Variants in CCDC88C observed in about 807,000 individuals in gnomAD.
CCDC88C encodes the protein coiled-coil and HOOK domain protein 88C.
In CCDC88C, 131 loss-of-function variants were observed where a neutral mutation model predicts 198.8. The observed-to-expected ratio is 0.66, with a 90% CI of 0.57 to 0.76. CCDC88C has a LOEUF of 0.76. Ranked by LOEUF, CCDC88C falls within the 30% of genes least tolerant of loss-of-function variation. The probability of loss-of-function intolerance (pLI) is 0.00; values close to 1 mark genes in which losing one functional copy is unlikely to be tolerated. For synonymous variants in CCDC88C, 1,166 were observed against 1,114.7 expected, an observed-to-expected ratio of 1.05 and a Z score of -0.92; for missense variants, 2,553 against 2,631.6, an observed-to-expected ratio of 0.97 and a Z score of 0.65.
chr14:91,328,925 G>A (rs550544633), intron 10 of CCDC88C, among the ~76,000 whole-genome samples: 3 of 152,158 alleles, frequency 2.0e-5, no homozygotes, highest in African/African-American at 7.2e-5. Flanking sequence ...GAGGGGGTGC[G>A]GAATCAAACA....
intron 20 of CCDC88C, 102 bp downstream of exon 20, chr14:91,303,599 T>G: frequency 1.1e-6 from 1 of 935,702 alleles, no homozygotes; most frequent in Non-Finnish European, 1.4e-6. Context: ...GCCTCTCCCC[T>G]AGGTCCCACC....
chr14:91,333,147 CTT>C (rs1892905004), intron 10 of CCDC88C, among the ~76,000 whole-genome samples: 1 of 152,244 alleles, frequency 6.6e-6, no homozygotes, highest in Admixed American at 6.5e-5. Flanking sequence ...ATGTGCATCT[CTT>C]TTGGCTGTAC....
At chr14:91,332,014 G>A (rs963684852) in intron 10 of CCDC88C, among the ~76,000 whole-genome samples, 3 of 152,078 alleles carry the variant, frequency 2.0e-5, no homozygotes, top group Non-Finnish European at 4.4e-5. Context: ...TGCCCAGCTA[G>A]GTCTCTGCCC....
At chr14:91,417,464 T>C in intron 1 of CCDC88C, 167 bp downstream of exon 1, 1 of 586,960 alleles carries the variant, frequency 1.7e-6, no homozygotes. Context: ...GTTACAAAGC[T>C]CCGGACTCCA....
intron 4 of CCDC88C, among the ~76,000 whole-genome samples, chr14:91,349,508 C>T (rs552778750): frequency 2.0e-5 from 3 of 152,162 alleles, no homozygotes; most frequent in Non-Finnish European, 4.4e-5. Flanking sequence ...TGAATTTCTA[C>T]ACCAAAAAAG....
rs778375199 is a variant in CCDC88C, at chr14:91,313,598, G to C, written c.2218C>G (p.Leu740Val). ...NQQLEREKEE[L>V]RKNVDLLKAL... ...TTGAGCAGATCCACGTTCTTCCTCA[G>C]CTCCTCCTTCTCACGCTCCAGCTGC... Residue 740 changes from leucine (L) to valine (V), a missense_variant, in exon 15 of 30, where the codon CTG becomes GTG. By Grantham distance (32) the Leu-to-Val change is conservative. This residue lies in a region of CCDC88C where 1,260 missense variants were observed against 1,412.0 expected (regional missense o/e 0.89). Coordinates refer to ENST00000389857, the MANE Select transcript of CCDC88C (RefSeq NM_001080414.4). The surrounding 1 kb of genome is among the most constrained non-coding windows in gnomAD (Gnocchi z 5.2). The C allele has an allele frequency of 6.2e-7, 1 of 1,612,594 alleles. No homozygotes were observed. Among genetic ancestry groups the C allele is most frequent in the Non-Finnish European group, 8.5e-7 (1 of 1,179,898 alleles).
At chr14:91,299,831 G>T in intron 21 of CCDC88C, 96 bp downstream of exon 21, 1 of 1,391,292 alleles carries the variant, frequency 7.2e-7, no homozygotes, top group Non-Finnish European at 9.4e-7. Flanking sequence ...ATCCACGATC[G>T]CCAGGGGACT....
intron 2 of CCDC88C, among the ~76,000 whole-genome samples, chr14:91,415,307 T>G (rs953119155): frequency 6.6e-6 from 1 of 151,958 alleles, no homozygotes; most frequent in Non-Finnish European, 1.5e-5. Flanking sequence ...TGTTTTTCAA[T>G]CTAATCAGAC....
intron 21 of CCDC88C, among the ~76,000 whole-genome samples, chr14:91,298,838 G>A (rs1225264960): frequency 6.6e-6 from 1 of 152,204 alleles, no homozygotes; most frequent in African/African-American, 2.4e-5. Context: ...GGAGGAGGAA[G>A]AATTTCGTAT....
rs747623630 is a variant in CCDC88C at position 91,371,033 on chromosome 14, C to G, written c.271-11322G>C. Among the ~76,000 whole-genome samples the G allele has an allele frequency of 1.6e-4, 24 of 152,224 alleles. No homozygotes were observed. Among genetic ancestry groups the G allele is most frequent in the Non-Finnish European group, 2.9e-4 (20 of 68,008 alleles). On this transcript the variant is annotated intron_variant, in intron 3 of 29. Transcript: ENST00000389857. This position sits in a 1 kb window ranked among gnomAD's most constrained non-coding sequence, Gnocchi z 4.2. ...TGTTTGGGGTGAGGCAGAAGGACTT[C>G]AAGGATTAGGCTAAGGATGGAGAGA...
intron 3 of CCDC88C, chr14:91,379,552 T>A: frequency 2.0e-6 from 1 of 512,408 alleles, no homozygotes; most frequent in African/African-American, 1.9e-5. Context: ...TCTCACTCCA[T>A]GTTTACTGCC....
Position 91,371,905 on chromosome 14 carries a change from G to A in CCDC88C, c.271-12194C>T, listed in dbSNP as rs1468711148. The stretch of plus-strand genomic sequence containing the variant: ...GGAGGGCACCTAGGAGCCTCCAGCG[G>A]TAGATGGCAGCCCAGACCACCCCAG... On this transcript the variant is annotated intron_variant, in intron 3 of 29. Coordinates refer to ENST00000389857, the MANE Select transcript of CCDC88C (RefSeq NM_001080414.4). The surrounding 1 kb of genome is among the most constrained non-coding windows in gnomAD (Gnocchi z 4.2). 2.1e-4 allele frequency among the ~76,000 whole-genome samples: 32 copies of A among 152,190 alleles called. No homozygotes were observed. Among genetic ancestry groups the A allele is most frequent in the Admixed American group, 2.0e-3 (31 of 15,292 alleles).
intron 29 of CCDC88C, among the ~76,000 whole-genome samples, chr14:91,274,586 G>A (rs1465303790): frequency 6.6e-6 from 1 of 152,218 alleles, no homozygotes; most frequent in Admixed American, 6.5e-5. Flanking sequence ...AGCAACTCCT[G>A]TCCCACACAA....
chr14:91,370,863 C>CA (rs1341844487), intron 3 of CCDC88C, among the ~76,000 whole-genome samples: 5 of 152,090 alleles, frequency 3.3e-5, no homozygotes, highest in Admixed American at 6.5e-5. Flanking sequence ...AGGTCCGGAG[C>CA]AAAAAATGAC....
chr14:91,372,414 G>T (rs1894846331), intron 3 of CCDC88C, among the ~76,000 whole-genome samples: 2 of 151,690 alleles, frequency 1.3e-5, no homozygotes, highest in African/African-American at 4.9e-5. Context: ...TGAGCTGGGG[G>T]CACTGGGAGC....
intron 3 of CCDC88C, among the ~76,000 whole-genome samples, chr14:91,396,467 C>G (rs1885851473): frequency 6.6e-6 from 1 of 152,170 alleles, no homozygotes; most frequent in Non-Finnish European, 1.5e-5. Flanking sequence ...TTCATTCACG[C>G]CCGCATCACT....
At chr14:91,416,660 G>A in intron 2 of CCDC88C, 78 bp downstream of exon 2, 1 of 1,073,358 alleles carries the variant, frequency 9.3e-7, no homozygotes, top group Non-Finnish European at 1.4e-6. Flanking sequence ...ACCCCGCCAT[G>A]CAACCTTCCA....
chr14:91,347,822 T>G (rs560984457), intron 4 of CCDC88C, among the ~76,000 whole-genome samples: 1 of 152,304 alleles, frequency 6.6e-6, no homozygotes, highest in East Asian at 1.9e-4. Flanking sequence ...GACCCAGCCA[T>G]CCCATTACTG....
chr14:91,289,509 G>A (rs987481651), intron 24 of CCDC88C, among the ~76,000 whole-genome samples, 166 bp from the exon 25 acceptor site: 1 of 152,168 alleles, frequency 6.6e-6, no homozygotes, highest in African/African-American at 2.4e-5. Flanking sequence ...TCATATTTGG[G>A]GCTCAGGAGC....
Sources: allele counts gnomAD v4.1 joint callset (sites outside exome capture counted in the v4.1 genomes callset), GRCh38; gene constraint gnomAD v4.1.1; regional missense constraint gnomAD v4.1.1; non-coding constraint Gnocchi (gnomAD v3.1); transcripts MANE v1.5; gene names NCBI Gene and HGNC (gene_info 2026-07-23, HGNC 2026-07-21).